Variants in BOD1L1 observed in about 807,000 individuals in gnomAD.
BOD1L1 encodes biorientation of chromosomes in cell division 1 like 1, also known as biorientation of chromosomes in cell division protein 1-like 1.
In BOD1L1, 86 loss-of-function variants were observed where a neutral mutation model predicts 240.7. The ratio of observed to expected loss-of-function variants is 0.36; its 90% CI spans 0.30 to 0.43. The LOEUF (loss-of-function observed/expected upper bound fraction) is 0.43. Ranked by LOEUF, BOD1L1 falls within the 20% of genes least tolerant of loss-of-function variation. The pLI is 1.00. For missense variants in BOD1L1, 3,554 were observed against 3,643.5 expected, an observed-to-expected ratio of 0.98 and a Z score of 0.63; for synonymous variants, 1,268 against 1,272.3, an observed-to-expected ratio of 1.00 and a Z score of 0.07.
At chr4:13,582,523 T>C in intron 18 of BOD1L1, 129 bp downstream of exon 18, 1 of 742,262 alleles carries the variant, frequency 1.3e-6, no homozygotes, top group Non-Finnish European at 2.2e-6. Flanking sequence ...TCCCTAGCCC[T>C]ATTAATCTTA....
At chr4:13,572,699 T>TA in intron 25 of BOD1L1, 1 of 1,289,656 alleles carries the variant, frequency 7.8e-7, no homozygotes, top group Middle Eastern at 2.1e-4. Context: ...AGCAGGGACT[T>TA]ACCTTCCTAA....
At chr4:13,598,651 G>A (rs575136441) in intron 10 of BOD1L1, among the ~76,000 whole-genome samples, 4 of 152,266 alleles carry the variant, frequency 2.6e-5, no homozygotes, top group East Asian at 3.9e-4. Flanking sequence ...GTAAGTTGCA[G>A]CAGTCATGTA....
At chr4:13,610,842 G>T in intron 6 of BOD1L1, 92 bp downstream of exon 6, 1 of 1,091,318 alleles carries the variant, frequency 9.2e-7, no homozygotes, top group Non-Finnish European at 1.3e-6. Flanking sequence ...GTATGTCTCT[G>T]CTTCATATGC....
At chr4:13,617,237 C>T (rs1468997562) in intron 2 of BOD1L1, among the ~76,000 whole-genome samples, 6 of 91,300 alleles carry the variant, frequency 6.6e-5, no homozygotes, top group East Asian at 3.8e-4. Flanking sequence ...GAGCGAACTC[C>T]GTCTCAAAAA....
At chr4:13,591,807 C>T in intron 13 of BOD1L1, 116 bp downstream of exon 13, 1 of 711,678 alleles carries the variant, frequency 1.4e-6, no homozygotes, top group Non-Finnish European at 2.3e-6. Flanking sequence ...TGCCTCCTGG[C>T]TACTACAGAA....
rs145354178 is a variant in BOD1L1, at chr4:13,599,054, G to C, written c.7846C>G (p.Gln2616Glu). The change falls in exon 10 of 26, where the codon CAA (glutamine) becomes GAA (glutamate). Residue 2616 changes from glutamine (Q) to glutamate (E), a missense_variant. Gln to Glu is a conservative substitution (Grantham distance 29). Transcript: ENST00000040738. ...KNDYSGKWTD[Q>E]ASAEKTGDDN... Reference sequence around the variant, plus strand: ...TCTCCTGTTTTCTCAGCAGATGCTTGATCAGTCCATTTGCCACTATAATCA... The same window carrying C: ...TCTCCTGTTTTCTCAGCAGATGCTTCATCAGTCCATTTGCCACTATAATCA... The C allele has an allele frequency of 5.6e-6, 9 of 1,613,814 alleles. No individual in the cohort carries two copies. In the South Asian group the frequency reaches 6.6e-5, roughly 12 times the overall value.
intron 2 of BOD1L1, among the ~76,000 whole-genome samples, chr4:13,617,779 G>A (rs146751519): frequency 3.9e-5 from 6 of 152,248 alleles, no homozygotes; most frequent in Non-Finnish European, 8.8e-5. Flanking sequence ...CAACCTAATG[G>A]AGTCAAGTGA....
Position 13,604,761 on chromosome 4 carries a change from C to T in BOD1L1, c.2139G>A (p.Leu713=), listed in dbSNP as rs1291464092. The T allele has an allele frequency of 6.2e-7, 1 of 1,613,234 alleles. No individual in the cohort carries two copies. The highest frequency in any genetic ancestry group is 8.5e-7 in the Non-Finnish European group (1 of 1,179,670). Reference sequence around the variant, plus strand: ...TCACCTCTTTCTTAAGTAGGCTTTTCAAATGTGGTGTTTCAGAATCATCTT... The same window carrying T: ...TCACCTCTTTCTTAAGTAGGCTTTTTAAATGTGGTGTTTCAGAATCATCTT... The part of the protein sequence containing the change: ...LKKDDSETPH[L]KSLLKKEVKS... Residue 713 remains leucine (L), a synonymous_variant, in exon 10 of 26, where the codon TTG becomes TTA. Transcript: ENST00000040738.
intron 19 of BOD1L1, among the ~76,000 whole-genome samples, chr4:13,581,616 T>C (rs1713234984): frequency 6.6e-6 from 1 of 152,196 alleles, no homozygotes; most frequent in African/African-American, 2.4e-5. Context: ...GATTTAACAA[T>C]GGGCAAACCT....
In BOD1L1 at chr4:13,627,676, C is replaced by T; in HGVS notation, c.-89G>A. On this transcript the variant is annotated 5_prime_UTR_variant, in exon 1 of 26. Transcript: ENST00000040738. Reference sequence around the variant, plus strand: ...CACTGGTCCCGCCGCCTGAGGGAAGCCAACGGGATGTTGTTACGGAACCAG... The same window carrying T: ...CACTGGTCCCGCCGCCTGAGGGAAGTCAACGGGATGTTGTTACGGAACCAG... 9.9e-7 allele frequency: 1 copy of T among 1,006,216 alleles called. No homozygotes were observed. The highest frequency in any genetic ancestry group is 1.2e-6 in the Non-Finnish European group (1 of 840,932). 62.3% of individuals were successfully genotyped at this position (1,006,216 alleles called of 1,614,324 possible). A position where few individuals can be genotyped will look rare whatever the true frequency, so the allele number is the denominator to read the frequency against.
rs115801884 is a variant in BOD1L1, at chr4:13,574,678, A to G, written c.9038+2160T>C. Among the ~76,000 whole-genome samples the G allele has an allele frequency of 4.6e-3, 701 of 152,254 alleles. 6 individuals carry two copies. Among genetic ancestry groups the G allele is most frequent in the African/African-American group, 0.016 (663 of 41,552 alleles). Reference sequence around the variant, plus strand: ...CCCAAATGCATGGGTGTTGGGCTCCAGCACCCTCACCCTCTCCTAGCAGCA... The same window carrying G: ...CCCAAATGCATGGGTGTTGGGCTCCGGCACCCTCACCCTCTCCTAGCAGCA... On this transcript the variant is annotated intron_variant, in intron 25 of 25. Transcript: ENST00000040738.
In BOD1L1 at chr4:13,613,971, T is replaced by C. The variant is rs1716374822; in HGVS notation, c.1174+225A>G. Among the ~76,000 whole-genome samples the C allele has an allele frequency of 6.6e-6, 1 of 152,170 alleles. No homozygotes were observed. The highest frequency in any genetic ancestry group is 1.5e-5 in the Non-Finnish European group (1 of 68,028). ...TAAAATAATGTATGTGAATAAATTA[T>C]AAGACAAATTATAAATTAATAACTT... On this transcript the variant is annotated intron_variant, in intron 4 of 25. Coordinates refer to ENST00000040738, the MANE Select transcript of BOD1L1 (RefSeq NM_148894.3). The surrounding 1 kb of genome is among the most constrained non-coding windows in gnomAD (Gnocchi z 4.0).
Position 13,577,563 on chromosome 4 carries a change from T to C in BOD1L1, c.8799+19A>G. The stretch of plus-strand genomic sequence containing the variant: ...TTGATTTCTAAACAACATATCTTGA[T>C]AAGAAATTTAACACTTACATTGCTT... On this transcript the variant is annotated intron_variant, in intron 23 of 25. Transcript: ENST00000040738. The C allele has an allele frequency of 2.5e-6, 4 of 1,581,906 alleles. No homozygotes were observed. The highest frequency in any genetic ancestry group is 3.4e-6 in the Non-Finnish European group (4 of 1,160,138).
intron 1 of BOD1L1, chr4:13,624,938 T>C (rs1418913320): frequency 1.3e-5 from 2 of 152,240 alleles, no homozygotes; most frequent in African/African-American, 2.4e-5. Flanking sequence ...ATTAAAGTGA[T>C]GGTTCTTTGC....
At chr4:13,579,901 AC>A in intron 22 of BOD1L1, 26 bp downstream of exon 22, 2 of 1,538,204 alleles carry the variant, frequency 1.3e-6, no homozygotes, top group Non-Finnish European at 1.8e-6. Context: ...CTCAGATAAC[AC>A]ACAGAGGAAT....
At chr4:13,576,263 A>G (rs1413517005) in intron 25 of BOD1L1, among the ~76,000 whole-genome samples, 2 of 152,176 alleles carry the variant, frequency 1.3e-5, no homozygotes, top group Admixed American at 6.5e-5. Flanking sequence ...AGAGAATTCA[A>G]TGACATTCCC....
At chr4:13,589,680 G>C (rs753699785) in intron 14 of BOD1L1, among the ~76,000 whole-genome samples, 6 of 152,078 alleles carry the variant, frequency 3.9e-5, no homozygotes, top group African/African-American at 7.3e-5. Context: ...GGGTAAATGG[G>C]GATTCCACCA....
In BOD1L1 at chr4:13,582,238, T is replaced by C. The variant is rs774415200; in HGVS notation, c.8591A>G (p.Glu2864Gly). The C allele has an allele frequency of 6.2e-6, 10 of 1,610,390 alleles. No individual in the cohort carries two copies. The East Asian group carries it at 2.2e-4, about 36-fold the overall frequency. The change falls in exon 19 of 26, where the codon GAG (glutamate) becomes GGG (glycine). Residue 2864 changes from glutamate (E) to glycine (G), a missense_variant and splice_region_variant. Glu to Gly is a moderately conservative substitution (Grantham distance 98). Around this residue, in one of 2 missense-constraint regions of BOD1L1, gnomAD observed 3,393 missense variants for 3,427.1 expected, o/e 0.99. Transcript: ENST00000040738. ...QNDDDTIKSQ[E>G]EDQPIIIKRK... The stretch of plus-strand genomic sequence containing the variant: ...ACAAATACGAAAAGCACATCTCACC[T>C]CCTGAGATTTTATGGTGTCATCATC...
In BOD1L1 at chr4:13,627,117, C is replaced by T. The variant is rs577637081; in HGVS notation, c.243+228G>A. On this transcript the variant is annotated intron_variant, in intron 1 of 25. Transcript: ENST00000040738. The stretch of plus-strand genomic sequence containing the variant: ...CTGTAAGAACAATGCCTTAGTCTTG[C>T]TCATCAGACCGGGGTAATCACTGTG... Among the ~76,000 whole-genome samples the T allele has an allele frequency of 9.4e-4, 143 of 152,338 alleles. 1 individual carries two copies. The highest frequency in any genetic ancestry group is 3.7e-4 in the Non-Finnish European group (25 of 68,040).
Sources: gnomAD v4.1 joint callset for allele counts (sites outside exome capture counted in the v4.1 genomes callset) on GRCh38, gnomAD v4.1.1 for gene constraint, gnomAD v4.1.1 regional missense constraint, Gnocchi (gnomAD v3.1) non-coding constraint, MANE v1.5 for transcripts, NCBI Gene and HGNC (gene_info 2026-07-23, HGNC 2026-07-21) for gene names.